The following IKZF1 variants were observed in gnomAD, a reference collection of about 807,000 sequenced individuals.
IKZF1 encodes the protein DNA-binding protein Ikaros.
IKZF1 carries 10 observed loss-of-function variants against 51.7 expected under a neutral mutation model. That is an observed-to-expected ratio of 0.19 (90% CI 0.12 to 0.33). The LOEUF is 0.33. Ranked by LOEUF, IKZF1 falls within the 10% of genes least tolerant of loss-of-function variation. IKZF1 has a pLI of 1.00. For synonymous variants in IKZF1, 280 were observed against 282.3 expected (o/e 0.99, Z 0.08); for missense variants, 484 against 707.5 (o/e 0.68, Z 3.58).
At chr7:50,381,570 G>A (rs1238119886) in intron 4 of IKZF1, among the ~76,000 whole-genome samples, 1 of 152,210 alleles carries the variant, frequency 6.6e-6, no homozygotes, top group Non-Finnish European at 1.5e-5. Flanking sequence ...GCTCCAGAAT[G>A]GAGACACAGG....
rs1468620081 is a variant in IKZF1 at position 50,400,267 on chromosome 7, C to T, written c.1200C>T (p.Thr400=). The change falls in exon 8 of 8, where the codon ACC becomes ACT. Residue 400 remains threonine, a synonymous_variant. Transcript: ENST00000331340. This position sits in a 1 kb window ranked among gnomAD's most constrained non-coding sequence, Gnocchi z 5.4. Reference sequence around the variant, plus strand: ...ACAGCTGCCAAGACTCCACGGACACCGAGAGCAACAACGAGGAGCAGCGCA... The same window carrying T: ...ACAGCTGCCAAGACTCCACGGACACTGAGAGCAACAACGAGGAGCAGCGCA... ...PSNSCQDSTD[T]ESNNEEQRSG... 1.9e-6 allele frequency: 3 copies of T among 1,612,076 alleles called. No individual in the cohort carries two copies. Among genetic ancestry groups the T allele is most frequent in the African/African-American group, 1.3e-5 (1 of 74,912 alleles).
intron 7 of IKZF1, chr7:50,394,152 A>G (rs2153506579): frequency 4.3e-6 from 1 of 232,810 alleles, no homozygotes; most frequent in Non-Finnish European, 8.5e-6. Context: ...GGGACATAGT[A>G]GGAACAGTGG....
rs1402609808 is a variant in IKZF1, at chr7:50,375,757, G to GA, written c.161-768dup. On this transcript the variant is annotated intron_variant, in intron 3 of 7. Transcript: ENST00000331340. Reference sequence around the variant, plus strand: ...AAACACACAAGCTTCTTTCCCTTTGGAAAAAAAAGCTCTTCCAGATACCTA... The same window carrying GA: ...AAACACACAAGCTTCTTTCCCTTTGGAAAAAAAAAGCTCTTCCAGATACCTA... Among the ~76,000 whole-genome samples the GA allele has an allele frequency of 1.2e-4, 14 of 118,536 alleles. No individual in the cohort carries two copies. In the Admixed American group the frequency reaches 1.4e-3, roughly 12 times the overall value. 77.8% of individuals were successfully genotyped at this position (118,536 alleles called of 152,430 possible).
chr7:50,400,809 A>C lies in IKZF1; in HGVS notation c.*182A>C, dbSNP rs954383661. Reference sequence around the variant, plus strand: ...ATTGGGGTTTGATTTGCTTTTGAAAAGATTTTTATTTTTAGAGGCAGGGCT... The same window carrying C: ...ATTGGGGTTTGATTTGCTTTTGAAACGATTTTTATTTTTAGAGGCAGGGCT... On this transcript the variant is annotated 3_prime_UTR_variant, in exon 8 of 8. Coordinates refer to ENST00000331340, the MANE Select transcript of IKZF1 (RefSeq NM_006060.6). The surrounding 1 kb of genome is among the most constrained non-coding windows in gnomAD (Gnocchi z 5.4). The C allele has an allele frequency of 1.0e-5, 8 of 797,642 alleles. No individual in the cohort carries two copies. The African/African-American group carries it at 1.0e-4, about 10-fold the overall frequency. The allele number at this position is 797,642 out of a possible 1,614,324, so 49.4% of individuals were successfully genotyped here. A position where few individuals can be genotyped will look rare whatever the true frequency, so the allele number is the denominator to read the frequency against.
At chr7:50,360,493 C>T (rs1018986110) in intron 3 of IKZF1, among the ~76,000 whole-genome samples, 5 of 152,230 alleles carry the variant, frequency 3.3e-5, no homozygotes, top group Non-Finnish European at 4.4e-5. Flanking sequence ...AACCCCATTT[C>T]AGGAAGCCAA....
rs1208389283 is a variant in IKZF1 at position 50,402,698 on chromosome 7, T to TA, written c.*2074dup. On this transcript the variant is annotated 3_prime_UTR_variant, in exon 8 of 8. Transcript: ENST00000331340. ...TCGGTCTTAAAAATATATTTCCTCATAAACATTTGAGTTTTGTTGAAAAGA... is the reference window on the plus strand; with the variant it reads ...TCGGTCTTAAAAATATATTTCCTCATAAAACATTTGAGTTTTGTTGAAAAGA... 1.3e-5 allele frequency: 3 copies of TA among 230,118 alleles called. No homozygotes were observed. The highest frequency in any genetic ancestry group is 6.6e-5 in the African/African-American group (3 of 45,172). 14.3% of individuals were successfully genotyped at this position (230,118 alleles called of 1,614,324 possible).
At chr7:50,399,851 G>C (rs374375451) in intron 7 of IKZF1, 67 bp from the exon 8 acceptor site, 2 of 1,525,600 alleles carry the variant, frequency 1.3e-6, no homozygotes, top group African/African-American at 2.8e-5. Flanking sequence ...GATTTCAGCT[G>C]TTGCTGCCAG....
rs544000288 is a variant in IKZF1 at position 50,402,881 on chromosome 7, T to C, written c.*2254T>C. On this transcript the variant is annotated 3_prime_UTR_variant, in exon 8 of 8. Transcript: ENST00000331340. ...GGCTTTAGACAGCACTCCTTCAATA[T>C]GCAATCACAGAGAAAGATGCGCCTT... is the stretch of plus-strand genomic sequence containing the variant. 123 of 229,520 alleles carry C rather than the reference T, an allele frequency of 5.4e-4. No homozygotes were observed. Among genetic ancestry groups the C allele is most frequent in the Non-Finnish European group, 9.1e-4 (105 of 115,694 alleles). The allele number at this position is 229,520 out of a possible 1,614,324, so 14.2% of individuals were successfully genotyped here.
intron 3 of IKZF1, among the ~76,000 whole-genome samples, chr7:50,331,902 G>A (rs1422730285): frequency 7.9e-5 from 12 of 152,332 alleles, no homozygotes; most frequent in African/African-American, 2.9e-4. Flanking sequence ...AAGGAGAGAT[G>A]TGGTCTTTAC....
At chr7:50,333,822 T>A (rs935592714) in intron 3 of IKZF1, among the ~76,000 whole-genome samples, 10 of 152,222 alleles carry the variant, frequency 6.6e-5, no homozygotes, top group Admixed American at 1.3e-4. Context: ...TTTTGAAAAT[T>A]CTATGTTATT....
chr7:50,335,714 T>C (rs1422246350), intron 3 of IKZF1, among the ~76,000 whole-genome samples: 15 of 149,690 alleles, frequency 1.0e-4, no homozygotes, highest in Non-Finnish European at 1.8e-4. Flanking sequence ...GGATGTGTGC[T>C]GTGTATATGT....
chr7:50,375,711 C>G (rs1441768284), intron 3 of IKZF1, among the ~76,000 whole-genome samples: 57 of 127,978 alleles, frequency 4.5e-4, no homozygotes, highest in African/African-American at 1.6e-3. Context: ...TCCCACCCCC[C>G]CCCCCCACCC....
intron 2 of IKZF1, 70 bp from the exon 3 acceptor site, chr7:50,327,568 C>A: frequency 6.7e-7 from 1 of 1,500,476 alleles, no homozygotes; most frequent in Non-Finnish European, 8.9e-7. Context: ...CCTCTCAAGC[C>A]AAAAGCCGGG....
chr7:50,356,068 T>C (rs1803277374), intron 3 of IKZF1, among the ~76,000 whole-genome samples: 1 of 152,214 alleles, frequency 6.6e-6, no homozygotes. Context: ...CAGGCTTTTC[T>C]CTCCTTGCCT....
chr7:50,371,416 C>T (rs911664854), intron 3 of IKZF1, among the ~76,000 whole-genome samples: 1 of 152,224 alleles, frequency 6.6e-6, no homozygotes, highest in African/African-American at 2.4e-5. Flanking sequence ...ATCAACAGGC[C>T]AACACCCACT....
At position 50,400,857 on chromosome 7, in the gene IKZF1, C is replaced by T. The variant is rs115476644; in HGVS notation, c.*230C>T. On this transcript the variant is annotated 3_prime_UTR_variant, in exon 8 of 8. Coordinates refer to ENST00000331340, the MANE Select transcript of IKZF1 (RefSeq NM_006060.6). The surrounding 1 kb of genome is among the most constrained non-coding windows in gnomAD (Gnocchi z 5.4). Reference sequence around the variant, plus strand: ...GCTGCATTGGGAGCATCCAGAACTGCTACCTTCCTAGATGTTTCCCCAGAC... The same window carrying T: ...GCTGCATTGGGAGCATCCAGAACTGTTACCTTCCTAGATGTTTCCCCAGAC... 2 of 580,764 alleles carry T rather than the reference C, an allele frequency of 3.4e-6. No individual in the cohort carries two copies. Among genetic ancestry groups the T allele is most frequent in the Non-Finnish European group, 6.0e-6 (2 of 335,984 alleles). 36.0% of individuals were successfully genotyped at this position (580,764 alleles called of 1,614,324 possible).
At chr7:50,374,399 G>A (rs925741433) in intron 3 of IKZF1, among the ~76,000 whole-genome samples, 2 of 152,210 alleles carry the variant, frequency 1.3e-5, no homozygotes, top group Admixed American at 6.5e-5. Context: ...ACTGTAAGTG[G>A]TTAGGAATTT....
In IKZF1 at chr7:50,319,093, A is replaced by G; in HGVS notation, c.32A>G (p.Gln11Arg). The G allele has an allele frequency of 6.2e-7, 1 of 1,613,692 alleles. No individual in the cohort carries two copies. The highest frequency in any genetic ancestry group is 8.5e-7 in the Non-Finnish European group (1 of 1,179,634). The change falls in exon 2 of 8, where the codon CAA becomes CGA. Residue 11 changes from glutamine (Q) to arginine (R), a missense_variant. Gln to Arg is a conservative substitution (Grantham distance 43). Transcript: ENST00000331340. MDADEGQDMSQVSGKESPPVS... is the reference protein window; with the variant it reads MDADEGQDMSRVSGKESPPVS... ...GCTGATGAGGGTCAAGACATGTCCC[A>G]AGTTTCAGGTGAGACCTTATGAGAT... is the stretch of plus-strand genomic sequence containing the variant.
intron 3 of IKZF1, among the ~76,000 whole-genome samples, chr7:50,356,208 A>T (rs965657283): frequency 6.6e-6 from 1 of 152,234 alleles, no homozygotes; most frequent in Admixed American, 6.5e-5. Context: ...AATGTAAGGA[A>T]GTTTTACCAT....
Sources: gnomAD v4.1 joint callset for allele counts (sites outside exome capture counted in the v4.1 genomes callset) on GRCh38, gnomAD v4.1.1 for gene constraint, Gnocchi (gnomAD v3.1) non-coding constraint, MANE v1.5 for transcripts, NCBI Gene and HGNC (gene_info 2026-07-23, HGNC 2026-07-21) for gene names.